Variants in TRMT10B observed in about 807,000 individuals in gnomAD.
The protein encoded by TRMT10B is tRNA methyltransferase 10B.
In TRMT10B, 33 loss-of-function variants were observed where a neutral mutation model predicts 43.8. The observed-to-expected ratio is 0.75, with a 90% CI of 0.57 to 1.01. The LOEUF (loss-of-function observed/expected upper bound fraction) is 1.01, where lower values mean the gene tolerates loss of function less well. Ranked by LOEUF, TRMT10B falls within the 50% of genes least tolerant of loss-of-function variation. TRMT10B has a pLI of 0.00. For missense variants in TRMT10B, 362 were observed against 369.8 expected (o/e 0.98, Z 0.17); for synonymous variants, 137 against 130.6 (o/e 1.05, Z -0.34).
At position 37,762,054 on chromosome 9, in the gene TRMT10B, C is replaced by G. The variant is rs764049914; in HGVS notation, c.123C>G (p.Ile41Met). The G allele has an allele frequency of 4.0e-5, 64 of 1,614,050 alleles. No homozygotes were observed. In the Admixed American group the frequency reaches 7.2e-4, roughly 18 times the overall value. The change falls in exon 2 of 9, where the codon ATC becomes ATG. Residue 41 changes from isoleucine (I) to methionine (M), a missense_variant. Transcript: ENST00000297994. ...CTGAAGGCTTCCAGCTTCTGCAGAT[C>G]GATGCGGAAGGCGAGTGCCAGGAGG... Reference protein sequence around the residue: ...GLPEGFQLLQIDAEGECQEGE... With the variant: ...GLPEGFQLLQMDAEGECQEGE...
chr9:37,752,958 C>T (rs1230411428), upstream of TRMT10B, among the ~76,000 whole-genome samples: 1 of 152,114 alleles, frequency 6.6e-6, no homozygotes, highest in African/African-American at 2.4e-5. Flanking sequence ...TGTAATAAAT[C>T]TTGTTGCTTG....
At position 37,768,083 on chromosome 9, in the gene TRMT10B, GT is replaced by G. The variant is rs1299973754; in HGVS notation, c.429del (p.Ser143ArgfsTer39). 1.8e-5 allele frequency: 29 copies of G among 1,613,648 alleles called. No homozygotes were observed. Among genetic ancestry groups the G allele is most frequent in the Non-Finnish European group, 2.3e-5 (27 of 1,179,904 alleles). On this transcript the variant is annotated frameshift_variant, in exon 5 of 9. Coordinates refer to ENST00000297994, the MANE Select transcript of TRMT10B (RefSeq NM_144964.4). LOFTEE classifies it high-confidence loss of function. ...MTHYMSKKELSRLAGQIRRLY... is the reference protein window; with the variant it reads ...MTHYMSKKELXRLAGQIRRLY... ...GTTCTTATTTCTTTGAAGGAATTAA[GT>G]AGACTGGCTGGACAGATTCGAAGGT... is the stretch of plus-strand genomic sequence containing the variant.
At chr9:37,771,113 C>T (rs1024498366) in intron 7 of TRMT10B, among the ~76,000 whole-genome samples, 2 of 152,172 alleles carry the variant, frequency 1.3e-5, no homozygotes, top group African/African-American at 4.8e-5. Context: ...CTGAAATAGT[C>T]TTAGCCCAAA....
intron 4 of TRMT10B, among the ~76,000 whole-genome samples, chr9:37,767,843 G>A (rs1827157610): frequency 6.6e-6 from 1 of 152,002 alleles, no homozygotes; most frequent in Non-Finnish European, 1.5e-5. Flanking sequence ...TTAACAGCAG[G>A]GCCAGCAGGA....
At chr9:37,760,177 G>C (rs1826173112) in intron 1 of TRMT10B, among the ~76,000 whole-genome samples, 1 of 152,146 alleles carries the variant, frequency 6.6e-6, no homozygotes, top group African/African-American at 2.4e-5. Context: ...AATAAAATTA[G>C]CTAGGCCTGG....
Position 37,769,573 on chromosome 9 carries a change from A to C in TRMT10B, c.574-368A>C, listed in dbSNP as rs552648066. On this transcript the variant is annotated intron_variant, in intron 5 of 8. Coordinates refer to ENST00000297994, the MANE Select transcript of TRMT10B (RefSeq NM_144964.4). ...CTTGATAAACCTAGAGCCATGCCTG[A>C]TAGAAACTTGAAGCCCAGTAACTAG... 1.4e-5 allele frequency: 3 copies of C among 211,284 alleles called. No individual in the cohort carries two copies. The Admixed American group carries it at 1.6e-4, about 11-fold the overall frequency. 13.1% of individuals were successfully genotyped at this position (211,284 alleles called of 1,614,324 possible). A position where few individuals can be genotyped will look rare whatever the true frequency, so the allele number is the denominator to read the frequency against.
chr9:37,761,280 T>A (rs1466805118), intron 1 of TRMT10B, among the ~76,000 whole-genome samples: 1 of 152,190 alleles, frequency 6.6e-6, no homozygotes, highest in Non-Finnish European at 1.5e-5. Context: ...TTGCAATCTG[T>A]CTTACCCTCA....
Position 37,756,763 on chromosome 9 carries a change from T to TAC in TRMT10B, c.-30+2915_-30+2916dup, listed in dbSNP as rs1554675057. Among the ~76,000 whole-genome samples, 82 of 151,508 alleles carry TAC rather than the reference T, an allele frequency of 5.4e-4. 1 individual carries two copies. Among genetic ancestry groups the TAC allele is most frequent in the South Asian group, 1.5e-3 (7 of 4,808 alleles). Reference sequence around the variant, plus strand: ...ATATACACACACACACATATATATATACACATATATACATATGTGTATACA... The same window carrying TAC: ...ATATACACACACACACATATATATATACACACATATATACATATGTGTATACA... On this transcript the variant is annotated intron_variant, in intron 1 of 8. Coordinates refer to ENST00000297994, the MANE Select transcript of TRMT10B (RefSeq NM_144964.4).
Position 37,770,003 on chromosome 9 carries a change from T to C in TRMT10B, c.636T>C (p.Thr212=). Residue 212 remains threonine (T), a synonymous_variant, in exon 6 of 9, where the codon ACT becomes ACC. Transcript: ENST00000297994. ...CCTTGGAAACCCTTGTGTACCTGAC[T>C]CCTGACTCAGAACACGGTATGTAGT... is the stretch of plus-strand genomic sequence containing the variant. ...LFPLETLVYL[T]PDSEHALEDV... is the part of the protein sequence containing the mutation. 2 of 1,613,744 alleles carry C rather than the reference T, an allele frequency of 1.2e-6. No homozygotes were observed. Among genetic ancestry groups the C allele is most frequent in the Non-Finnish European group, 1.7e-6 (2 of 1,179,610 alleles).
intron 4 of TRMT10B, among the ~76,000 whole-genome samples, chr9:37,766,423 C>G (rs571498296): frequency 2.4e-4 from 36 of 152,322 alleles, no homozygotes; most frequent in African/African-American, 7.9e-4. Context: ...GGGCTCTGTT[C>G]TGTTCCATTG....
intron 8 of TRMT10B, 80 bp from the exon 9 acceptor site, chr9:37,777,521 A>G (rs890620739): frequency 3.1e-5 from 38 of 1,240,538 alleles, no homozygotes; most frequent in African/African-American, 6.0e-5. Context: ...GTTGAACGAA[A>G]TATTACAGAA....
chr9:37,767,057 A>C (rs1827053258), intron 4 of TRMT10B: 2 of 152,172 alleles, frequency 1.3e-5, no homozygotes, highest in African/African-American at 4.8e-5. Context: ...CTGGGCCTTA[A>C]TTTTAGGCCT....
rs557978463 is a variant in TRMT10B, at chr9:37,757,811, G to A, written c.-30+3959G>A. Among the ~76,000 whole-genome samples, 69 of 152,296 alleles carry A rather than the reference G, an allele frequency of 4.5e-4. 1 individual carries two copies. Among genetic ancestry groups the A allele is most frequent in the South Asian group, 1.7e-3 (8 of 4,822 alleles). ...CTGTGAGGTCGTTTTATCCCATTTC[G>A]TGGAGAGACTCTATGGCAGAGACTT... On this transcript the variant is annotated intron_variant, in intron 1 of 8. Coordinates refer to ENST00000297994, the MANE Select transcript of TRMT10B (RefSeq NM_144964.4).
At chr9:37,777,543 T>G in intron 8 of TRMT10B, 58 bp from the exon 9 acceptor site, 2 of 1,359,910 alleles carry the variant, frequency 1.5e-6, no homozygotes, top group Non-Finnish European at 2.1e-6. Context: ...ATCCTTTTCA[T>G]TTACTCGTTC....
At chr9:37,766,006 A>C (rs1826950872) in intron 4 of TRMT10B, among the ~76,000 whole-genome samples, 1 of 151,550 alleles carries the variant, frequency 6.6e-6, no homozygotes, top group Non-Finnish European at 1.5e-5. Context: ...AGATTGCAAA[A>C]ATTTCCTCCC....
intron 1 of TRMT10B, among the ~76,000 whole-genome samples, chr9:37,756,772 A>G (rs774602849): frequency 6.6e-6 from 1 of 151,516 alleles, no homozygotes; most frequent in East Asian, 1.9e-4. Flanking sequence ...ATACACATAT[A>G]TACATATGTG....
chr9:37,754,480 T>C (rs1486971527), intron 1 of TRMT10B, among the ~76,000 whole-genome samples: 1 of 152,198 alleles, frequency 6.6e-6, no homozygotes, highest in Non-Finnish European at 1.5e-5. Flanking sequence ...TTGGGCTATT[T>C]ACTGTCAGTG....
At chr9:37,770,146 T>C (rs1310360269) in intron 6 of TRMT10B, 127 bp downstream of exon 6, 1 of 816,032 alleles carries the variant, frequency 1.2e-6, no homozygotes. Flanking sequence ...GTAATGCACA[T>C]GAGCAGTGCT....
chr9:37,762,362 T>C (rs938472362), intron 2 of TRMT10B, among the ~76,000 whole-genome samples: 3 of 152,214 alleles, frequency 2.0e-5, no homozygotes, highest in Non-Finnish European at 2.9e-5. Flanking sequence ...CTGTCACTAA[T>C]GAATTTTCTG....
Sources: gnomAD v4.1 joint callset for allele counts (sites outside exome capture counted in the v4.1 genomes callset) on GRCh38, gnomAD v4.1.1 for gene constraint, MANE v1.5 for transcripts, NCBI Gene and HGNC (gene_info 2026-07-23, HGNC 2026-07-21) for gene names.